Variants in TASP1 observed in about 807,000 individuals in gnomAD.
The protein encoded by TASP1 is threonine aspartase 1.
A neutral mutation model predicts 56.6 loss-of-function variants in TASP1; 16 were observed. The observed-to-expected ratio is 0.28, with a 90% CI of 0.19 to 0.43. The LOEUF (loss-of-function observed/expected upper bound fraction) is 0.43. Ranked by LOEUF, TASP1 falls within the 20% of genes least tolerant of loss-of-function variation. The probability of loss-of-function intolerance (pLI) is 1.00; values close to 1 mark genes in which losing one functional copy is unlikely to be tolerated. For missense variants in TASP1, 393 were observed against 511.6 expected (o/e 0.77, Z 2.24); for synonymous variants, 179 against 184.2 (o/e 0.97, Z 0.23).
intron 1 of TASP1, among the ~76,000 whole-genome samples, chr20:13,638,530 C>T (rs1218636860): frequency 6.6e-6 from 1 of 152,168 alleles, no homozygotes; most frequent in African/African-American, 2.4e-5. Flanking sequence ...CAGGACAAGG[C>T]GCACATTCTC....
chr20:13,518,581 G>A (rs1000452868), intron 10 of TASP1, among the ~76,000 whole-genome samples: 10 of 151,942 alleles, frequency 6.6e-5, no homozygotes, highest in Admixed American at 6.6e-4. Context: ...CCCCTCATTT[G>A]CCTTCCTCTC....
At chr20:13,342,651 G>A in the TASP1 span, among the ~76,000 whole-genome samples, 1 of 152,226 alleles carries the variant, frequency 6.6e-6, no homozygotes, top group East Asian at 1.9e-4. Context: ...TGAGGAATGA[G>A]CGGAACTCCC....
At chr20:13,270,702 C>G in the TASP1 span, 1 of 1,613,874 alleles carries the variant, frequency 6.2e-7, no homozygotes, top group East Asian at 2.2e-5. Context: ...CTTTCCAGAT[C>G]TTTCCAAAGC....
intron 11 of TASP1, among the ~76,000 whole-genome samples, chr20:13,464,148 C>A (rs2044161784): frequency 1.3e-5 from 2 of 152,148 alleles, no homozygotes; most frequent in African/African-American, 4.8e-5. Flanking sequence ...ATTTTGAAGT[C>A]CTAATCCCCA....
intron 13 of TASP1, 128 bp downstream of exon 13, chr20:13,417,320 T>A: frequency 1.3e-6 from 1 of 786,726 alleles, no homozygotes; most frequent in South Asian, 1.8e-5. Flanking sequence ...CTTATTCGGA[T>A]GCTTATGAAG....
chr20:13,171,665 G>A, the TASP1 span, among the ~76,000 whole-genome samples: 6 of 152,216 alleles, frequency 3.9e-5, no homozygotes, highest in South Asian at 2.1e-4. Context: ...TTCTAATAGC[G>A]AATTAGAGAG....
At position 13,452,963 on chromosome 20, in the gene TASP1, T is replaced by A. The variant is rs1414143511; in HGVS notation, c.986-17809A>T. 3.9e-5 allele frequency among the ~76,000 whole-genome samples: 6 copies of A among 152,142 alleles called. No homozygotes were observed. The East Asian group carries it at 1.2e-3, about 29-fold the overall frequency. ...GGCTGAAGGCTGCGTGACCAGGACATGTGGAAAGATGATGTCCCTAACAGG... is the reference window on the plus strand; with the variant it reads ...GGCTGAAGGCTGCGTGACCAGGACAAGTGGAAAGATGATGTCCCTAACAGG... On this transcript the variant is annotated intron_variant, in intron 11 of 13. Transcript: ENST00000337743.
the TASP1 span, among the ~76,000 whole-genome samples, chr20:13,152,592 C>G: frequency 6.6e-6 from 1 of 152,178 alleles, no homozygotes; most frequent in East Asian, 1.9e-4. Context: ...TGATAATTAT[C>G]CCATGCTTAG....
chr20:13,520,018 C>T (rs1259693058), intron 10 of TASP1, among the ~76,000 whole-genome samples: 1 of 152,130 alleles, frequency 6.6e-6, no homozygotes, highest in Non-Finnish European at 1.5e-5. Flanking sequence ...AACTCCCATT[C>T]ACAATTGCTT....
At chr20:13,520,121 C>G (rs1046596105) in intron 10 of TASP1, among the ~76,000 whole-genome samples, 7 of 151,988 alleles carry the variant, frequency 4.6e-5, no homozygotes, top group South Asian at 2.1e-4. Context: ...TGAAATAAAA[C>G]AGGATACAAA....
chr20:13,394,644 G>C (rs2041455080), intron 13 of TASP1, among the ~76,000 whole-genome samples: 1 of 151,042 alleles, frequency 6.6e-6, no homozygotes, highest in South Asian at 2.1e-4. Flanking sequence ...TTTTTTTAAA[G>C]TATAGACTAA....
chr20:13,572,377 C>T (rs553254564), intron 6 of TASP1, among the ~76,000 whole-genome samples: 28 of 152,230 alleles, frequency 1.8e-4, no homozygotes, highest in African/African-American at 5.5e-4. Flanking sequence ...GAAACCACCA[C>T]GGAGGTGAGG....
At chr20:13,423,504 A>G (rs1357019125) in intron 12 of TASP1, among the ~76,000 whole-genome samples, 1 of 152,214 alleles carries the variant, frequency 6.6e-6, no homozygotes, top group Non-Finnish European at 1.5e-5. Flanking sequence ...AAAAAACACT[A>G]GTCTACAAGA....
At chr20:13,480,678 G>A (rs2043109648) in intron 11 of TASP1, among the ~76,000 whole-genome samples, 3 of 152,206 alleles carry the variant, frequency 2.0e-5, no homozygotes, top group African/African-American at 4.8e-5. Context: ...ACTTGGGGAA[G>A]TAGAACTAGC....
chr20:13,308,855 T>C, the TASP1 span, among the ~76,000 whole-genome samples: 1 of 152,094 alleles, frequency 6.6e-6, no homozygotes, highest in Non-Finnish European at 1.5e-5. Flanking sequence ...TTAGCATCCT[T>C]ACAAAAGGGA....
chr20:13,572,650 C>T (rs1461530930), intron 6 of TASP1, among the ~76,000 whole-genome samples: 2 of 136,516 alleles, frequency 1.5e-5, no homozygotes, highest in Non-Finnish European at 3.0e-5. Context: ...CGTGCCACTG[C>T]ACTCCAGTCT....
At chr20:13,322,107 T>C in the TASP1 span, among the ~76,000 whole-genome samples, 1 of 152,190 alleles carries the variant, frequency 6.6e-6, no homozygotes, top group Non-Finnish European at 1.5e-5. Context: ...ACAAGTACCG[T>C]TTTGCAAAGT....
intron 10 of TASP1, among the ~76,000 whole-genome samples, chr20:13,526,005 A>G (rs1045082300): frequency 2.6e-5 from 4 of 152,320 alleles, no homozygotes; most frequent in East Asian, 1.9e-4. Flanking sequence ...GATAGGCAAA[A>G]GAGGAAATAT....
chr20:13,432,959 T>C (rs1467836446), intron 12 of TASP1, among the ~76,000 whole-genome samples: 1 of 152,028 alleles, frequency 6.6e-6, no homozygotes, highest in African/African-American at 2.4e-5. Context: ...CTAGGGGTTA[T>C]TCTTCTGAGG....
Sources: allele counts gnomAD v4.1 joint callset (sites outside exome capture counted in the v4.1 genomes callset), GRCh38; gene constraint gnomAD v4.1.1; transcripts MANE v1.5; gene names NCBI Gene and HGNC (gene_info 2026-07-23, HGNC 2026-07-21).